The following RALGPS1 variants were observed in gnomAD, a reference collection of about 807,000 sequenced individuals.
The protein encoded by RALGPS1 is ras-specific guanine nucleotide-releasing factor RalGPS1.
In RALGPS1, 19 loss-of-function variants were observed where a neutral mutation model predicts 78.8. The ratio of observed to expected loss-of-function variants is 0.24; its 90% confidence interval spans 0.17 to 0.35. The LOEUF is 0.35. RALGPS1 is among the 10% of genes least tolerant of loss of function. The pLI is 1.00. For synonymous variants in RALGPS1, 228 were observed against 256.3 expected, an observed-to-expected ratio of 0.89 and a Z score of 1.06; for missense variants, 454 against 688.3, an observed-to-expected ratio of 0.66 and a Z score of 3.81.
intron 5 of RALGPS1, among the ~76,000 whole-genome samples, chr9:127,041,267 T>G (rs549484254): frequency 1.3e-5 from 2 of 152,144 alleles, no homozygotes; most frequent in South Asian, 4.2e-4. Context: ...AATTTTTGTA[T>G]TTTTAGTAGA....
chr9:127,095,024 C>A (rs533627943), intron 8 of RALGPS1, among the ~76,000 whole-genome samples: 1 of 152,212 alleles, frequency 6.6e-6, no homozygotes, highest in African/African-American at 2.4e-5. Context: ...TCTGAGGAAG[C>A]TTTAGAAGGT....
intron 11 of RALGPS1, among the ~76,000 whole-genome samples, chr9:127,189,516 G>C (rs1352293353): frequency 6.6e-6 from 1 of 152,194 alleles, no homozygotes; most frequent in African/African-American, 2.4e-5. Context: ...TACCCACTGA[G>C]CTTCTACTAC....
intron 4 of RALGPS1, chr9:126,990,110 G>A: frequency 7.8e-7 from 1 of 1,289,152 alleles, no homozygotes; most frequent in Admixed American, 2.4e-5. Context: ...TGTCTTTGCT[G>A]CTCCTTGGAA....
chr9:127,075,257 C>T (rs923055399), intron 8 of RALGPS1, among the ~76,000 whole-genome samples: 1 of 152,236 alleles, frequency 6.6e-6, no homozygotes, highest in Non-Finnish European at 1.5e-5. Context: ...TTTCCTCTCC[C>T]TTTAAACCAG....
chr9:127,147,787 G>C (rs1295818007), intron 8 of RALGPS1, among the ~76,000 whole-genome samples: 1 of 152,180 alleles, frequency 6.6e-6, no homozygotes, highest in Non-Finnish European at 1.5e-5. Context: ...ACGATGCTGG[G>C]CACTCAGTAA....
At chr9:127,118,319 TAGAAA>T (rs2055662453) in intron 8 of RALGPS1, among the ~76,000 whole-genome samples, 1 of 152,224 alleles carries the variant, frequency 6.6e-6, no homozygotes. Context: ...AGTTTTGTCA[TAGAAA>T]CTACCCCCAG....
intron 8 of RALGPS1, among the ~76,000 whole-genome samples, chr9:127,146,001 G>T (rs35509632): frequency 0.057 from 8,704 of 152,252 alleles, 474 homozygotes; most frequent in East Asian, 0.17. Context: ...AGCAGGAATC[G>T]TATTGGTTTT....
chr9:126,952,387 C>T (rs1028325142), intron 1 of RALGPS1, among the ~76,000 whole-genome samples: 1 of 152,086 alleles, frequency 6.6e-6, no homozygotes, highest in Non-Finnish European at 1.5e-5. Flanking sequence ...ATGGCCATTC[C>T]AGTCTGACAT....
At chr9:126,952,673 G>GTC (rs1564298839) in intron 1 of RALGPS1, among the ~76,000 whole-genome samples, 9 of 106,906 alleles carry the variant, frequency 8.4e-5, no homozygotes, top group African/African-American at 2.4e-4. Context: ...GTGTGTGTGT[G>GTC]TGTGTGTCTG....
chr9:127,120,914 C>T (rs1358373189), intron 8 of RALGPS1, among the ~76,000 whole-genome samples: 1 of 152,070 alleles, frequency 6.6e-6, no homozygotes, highest in Non-Finnish European at 1.5e-5. Flanking sequence ...CATCAGTGAC[C>T]AAGGTTTGCT....
At chr9:127,056,862 A>G (rs1354809271) in intron 7 of RALGPS1, among the ~76,000 whole-genome samples, 1 of 152,172 alleles carries the variant, frequency 6.6e-6, no homozygotes, top group Non-Finnish European at 1.5e-5. Context: ...TGAGATGGCC[A>G]TAGAAATGTT....
intron 4 of RALGPS1, among the ~76,000 whole-genome samples, chr9:127,014,299 G>A (rs2133973771): frequency 6.6e-6 from 1 of 152,282 alleles, no homozygotes; most frequent in Non-Finnish European, 1.5e-5. Flanking sequence ...TTTCCTTTGA[G>A]CCTTTTAGGA....
chr9:126,966,539 AAAAG>A (rs1588696529), intron 3 of RALGPS1, among the ~76,000 whole-genome samples: 2 of 151,564 alleles, frequency 1.3e-5, no homozygotes, highest in Admixed American at 6.6e-5. Context: ...AAAAAAAAAA[AAAAG>A]CATGTACAAC....
chr9:127,157,947 A>G (rs891057434), intron 8 of RALGPS1, among the ~76,000 whole-genome samples: 3 of 152,100 alleles, frequency 2.0e-5, no homozygotes, highest in Admixed American at 6.5e-5. Context: ...TCTAATATGT[A>G]TCCTTTATCA....
chr9:127,108,787 G>A, intron 8 of RALGPS1: 2 of 1,516,610 alleles, frequency 1.3e-6, no homozygotes, highest in Non-Finnish European at 1.8e-6. Context: ...AAGCCTGAAA[G>A]TAAACAGAGG....
intron 10 of RALGPS1, among the ~76,000 whole-genome samples, chr9:127,173,723 A>G (rs1366601803): frequency 2.6e-5 from 4 of 152,164 alleles, no homozygotes; most frequent in Admixed American, 1.3e-4. Flanking sequence ...TAAACACTCC[A>G]GTTGAGAGGC....
At chr9:127,178,202 C>T (rs1453370150) in intron 11 of RALGPS1, 12 of 430,780 alleles carry the variant, frequency 2.8e-5, no homozygotes, top group Non-Finnish European at 4.9e-5. Context: ...GCCTCCCTTT[C>T]CTCCAGCCCT....
rs60308901 is a variant in RALGPS1, at chr9:127,153,375, C to CTTT, written c.611-12672_611-12670dup. On this transcript the variant is annotated intron_variant, in intron 8 of 18. Coordinates refer to ENST00000259351, the MANE Select transcript of RALGPS1 (RefSeq NM_014636.3). ...CACGTAAATGTATGCTAGAGGATTA[C>CTTT]TTTTTTTTTTTTTTTTTTTTTTTTA... Among the ~76,000 whole-genome samples the CTTT allele has an allele frequency of 5.6e-3, 572 of 102,110 alleles. 13 individuals carry two copies. Among genetic ancestry groups the CTTT allele is most frequent in the African/African-American group, 0.02 (548 of 27,706 alleles). 67.0% of individuals were successfully genotyped at this position (102,110 alleles called of 152,430 possible).
chr9:127,081,382 C>G (rs1358004224), intron 8 of RALGPS1, among the ~76,000 whole-genome samples: 1 of 152,220 alleles, frequency 6.6e-6, no homozygotes, highest in East Asian at 1.9e-4. Flanking sequence ...TCCCTGTGTT[C>G]CTACCACAGG....
Sources: allele counts gnomAD v4.1 joint callset (sites outside exome capture counted in the v4.1 genomes callset), GRCh38; gene constraint gnomAD v4.1.1; transcripts MANE v1.5; gene names NCBI Gene and HGNC (gene_info 2026-07-23, HGNC 2026-07-21).